ARHGEF3: variants seen among roughly 807,000 people sequenced by gnomAD.
The protein encoded by ARHGEF3 is Rho guanine nucleotide exchange factor 3.
In ARHGEF3, 28 loss-of-function variants were observed where a neutral mutation model predicts 63.2. That is an observed-to-expected ratio of 0.44 (90% CI 0.33 to 0.61). The LOEUF (loss-of-function observed/expected upper bound fraction) is 0.61. ARHGEF3 is among the 20% of genes least tolerant of loss of function. ARHGEF3 has a pLI of 0.03. For missense variants in ARHGEF3, 533 were observed against 659.3 expected, an observed-to-expected ratio of 0.81 and a Z score of 2.10; for synonymous variants, 266 against 254.2, an observed-to-expected ratio of 1.05 and a Z score of -0.44.
chr3:57,049,263 G>A, intron 1 of ARHGEF3, among the ~76,000 whole-genome samples: 1 of 152,180 alleles, frequency 6.6e-6, no homozygotes, highest in Non-Finnish European at 1.5e-5. Flanking sequence ...CAGCTACTCA[G>A]GAGGCTGAAG....
At chr3:57,016,789 A>C (rs1703024102) in intron 2 of ARHGEF3, among the ~76,000 whole-genome samples, 1 of 151,970 alleles carries the variant, frequency 6.6e-6, no homozygotes, top group Non-Finnish European at 1.5e-5. Context: ...CTATTCTTAT[A>C]TCCCCTTTTC....
intron 4 of ARHGEF3, among the ~76,000 whole-genome samples, chr3:56,862,397 A>C (rs1420297896): frequency 1.3e-5 from 2 of 152,152 alleles, no homozygotes; most frequent in East Asian, 3.8e-4. Context: ...CTCTTGTTCC[A>C]ATGGCTAAAC....
At chr3:56,968,046 A>G (rs1273765278) in intron 2 of ARHGEF3, among the ~76,000 whole-genome samples, 1 of 2,948 alleles carries the variant, frequency 3.4e-4, no homozygotes, top group Non-Finnish European at 6.4e-4. Flanking sequence ...TATATAAAAT[A>G]TATATAATAT....
At chr3:56,836,563 C>T (rs1347315733) in intron 4 of ARHGEF3, among the ~76,000 whole-genome samples, 2 of 152,012 alleles carry the variant, frequency 1.3e-5, no homozygotes, top group Non-Finnish European at 2.9e-5. Context: ...ATTTTTTTCT[C>T]GTTTTGCCTT....
chr3:56,907,181 A>G (rs983076149), intron 3 of ARHGEF3, among the ~76,000 whole-genome samples: 4 of 152,084 alleles, frequency 2.6e-5, no homozygotes, highest in Admixed American at 6.5e-5. Context: ...GGGTTTCACC[A>G]TGTTAGCTAG....
rs137928167 is a variant in ARHGEF3, at chr3:57,037,607, G to A, written c.-27-2431C>T. 6.8e-4 allele frequency among the ~76,000 whole-genome samples: 103 copies of A among 152,320 alleles called. 1 individual carries two copies. The highest frequency in any genetic ancestry group is 2.5e-3 in the African/African-American group (102 of 41,574). ...ATCACCCTTTAGGCTGGGCGCAGTG[G>A]CTCACGCCTGTAATCCCAGCACTTT... On this transcript the variant is annotated intron_variant, in intron 1 of 12. Transcript: ENST00000338458.
intron 2 of ARHGEF3, among the ~76,000 whole-genome samples, chr3:56,967,833 T>C (rs1490678440): frequency 1.3e-5 from 1 of 77,756 alleles, no homozygotes; most frequent in African/African-American, 5.1e-5. Flanking sequence ...ATAATATATA[T>C]TAATTATATT....
chr3:56,990,875 C>T (rs755874763), intron 2 of ARHGEF3, among the ~76,000 whole-genome samples: 1 of 152,132 alleles, frequency 6.6e-6, no homozygotes, highest in Non-Finnish European at 1.5e-5. Context: ...ACCAGAGGAA[C>T]AATAATCCTG....
chr3:57,058,038 A>C (rs1705018975), intron 1 of ARHGEF3, among the ~76,000 whole-genome samples: 1 of 152,212 alleles, frequency 6.6e-6, no homozygotes, highest in African/African-American at 2.4e-5. Context: ...ACTGGGCTTT[A>C]ACCCTTCAGT....
chr3:56,942,744 G>A (rs13094879), intron 3 of ARHGEF3, among the ~76,000 whole-genome samples: 1,950 of 152,304 alleles, frequency 0.013, 14 homozygotes, highest in Middle Eastern at 0.024. Flanking sequence ...AAGTGCAAAG[G>A]AAAAGTTCTT....
intron 2 of ARHGEF3, among the ~76,000 whole-genome samples, chr3:56,959,961 A>G (rs946706485): frequency 2.0e-5 from 3 of 152,196 alleles, no homozygotes; most frequent in African/African-American, 7.2e-5. Flanking sequence ...TGGGTGACAG[A>G]GCGAGACTCC....
intron 1 of ARHGEF3, among the ~76,000 whole-genome samples, chr3:56,789,052 G>A (rs910555252): frequency 5.4e-5 from 8 of 148,942 alleles, no homozygotes; most frequent in African/African-American, 2.1e-4. Context: ...TGCTGCTGCT[G>A]CTGCTGCTGC....
intron 4 of ARHGEF3, among the ~76,000 whole-genome samples, chr3:56,816,081 G>A (rs2038259838): frequency 6.6e-6 from 1 of 152,168 alleles, no homozygotes; most frequent in Non-Finnish European, 1.5e-5. Flanking sequence ...AGGGCATGAT[G>A]GTGCATTCCT....
intron 1 of ARHGEF3, among the ~76,000 whole-genome samples, chr3:57,062,614 C>T (rs1468259503): frequency 2.0e-5 from 3 of 152,178 alleles, no homozygotes; most frequent in African/African-American, 7.2e-5. Flanking sequence ...GCTGCTCTAG[C>T]CACTCAGCAA....
At chr3:56,876,788 C>T (rs971711790) in intron 4 of ARHGEF3, among the ~76,000 whole-genome samples, 4 of 152,170 alleles carry the variant, frequency 2.6e-5, no homozygotes, top group Non-Finnish European at 5.9e-5. Context: ...GAAAAGATGC[C>T]CCACCACCAG....
chr3:57,037,044 T>G (rs1703992936), intron 1 of ARHGEF3, among the ~76,000 whole-genome samples: 1 of 152,180 alleles, frequency 6.6e-6, no homozygotes, highest in African/African-American at 2.4e-5. Flanking sequence ...GTCTTTAACT[T>G]GCAAAAAGCA....
chr3:57,026,980 AT>A (rs144846328), intron 2 of ARHGEF3, among the ~76,000 whole-genome samples: 6,611 of 152,264 alleles, frequency 0.043, 514 homozygotes, highest in African/African-American at 0.15. Flanking sequence ...TGCAGAATGC[AT>A]TTTTTAATGT....
chr3:56,791,618 C>T (rs1488970030), intron 1 of ARHGEF3, among the ~76,000 whole-genome samples: 1 of 152,062 alleles, frequency 6.6e-6, no homozygotes, highest in Non-Finnish European at 1.5e-5. Flanking sequence ...TCACTTAGAA[C>T]ACCCCCAGAG....
intron 2 of ARHGEF3, among the ~76,000 whole-genome samples, chr3:56,964,190 A>T (rs1239377243): frequency 1.3e-5 from 2 of 151,950 alleles, no homozygotes; most frequent in East Asian, 1.9e-4. Context: ...CGTCTCTACT[A>T]AAAAAATGCA....
Sources: gnomAD v4.1 joint callset for allele counts (sites outside exome capture counted in the v4.1 genomes callset) on GRCh38, gnomAD v4.1.1 for gene constraint, MANE v1.5 for transcripts, NCBI Gene and HGNC (gene_info 2026-07-23, HGNC 2026-07-21) for gene names.